The following HDAC8 variants were observed in gnomAD, a reference collection of about 807,000 sequenced individuals.
HDAC8 encodes histone deacetylase-like 1.
In HDAC8, 1 loss-of-function variant was observed where a neutral mutation model predicts 32.2. The observed-to-expected ratio is 0.03, with a 90% confidence interval of 0.01 to 0.15. HDAC8 has a LOEUF of 0.15. Among genes scored for constraint, HDAC8 ranks in the 10% least tolerant of loss-of-function variants. HDAC8 has a pLI of 1.00. For synonymous variants in HDAC8, 108 were observed against 113.9 expected, an observed-to-expected ratio of 0.95 and a Z score of 0.33; for missense variants, 117 against 300.0, an observed-to-expected ratio of 0.39 and a Z score of 4.51.
At chrX:72,451,770 A>G (rs1343934269) in intron 9 of HDAC8, among the ~76,000 whole-genome samples, 1 of 113,108 alleles carries the variant, frequency 8.8e-6, no homozygotes, top group Non-Finnish European at 1.9e-5. Context: ...TGGAAAATTA[A>G]CAAATTACAG....
chrX:72,568,993 G>T (rs1483049583), intron 2 of HDAC8, 109 bp from the exon 3 acceptor site: 2 of 784,450 alleles, frequency 2.5e-6, no homozygotes, highest in Non-Finnish European at 3.6e-6. Context: ...CTCAACTTCT[G>T]GTTCCAATAG....
chrX:72,561,780 A>C (rs2051570731), intron 4 of HDAC8, among the ~76,000 whole-genome samples: 1 of 112,555 alleles, frequency 8.9e-6, no homozygotes, highest in Non-Finnish European at 1.9e-5. Flanking sequence ...CAATCTATAC[A>C]TCTGACAGAG....
intron 9 of HDAC8, among the ~76,000 whole-genome samples, chrX:72,377,532 C>A (rs1555958557): frequency 9.0e-6 from 1 of 111,535 alleles, no homozygotes; most frequent in African/African-American, 3.3e-5. Context: ...TTTCTTATTT[C>A]TCTTTTTCAC....
chrX:72,352,896 C>T (rs782124693), intron 9 of HDAC8, among the ~76,000 whole-genome samples: 1 of 111,705 alleles, frequency 9.0e-6, no homozygotes, highest in East Asian at 2.8e-4. Context: ...TGCAAAGCTA[C>T]TATTTCTGTT....
chrX:72,490,660 G>A (rs1486992638), intron 6 of HDAC8, among the ~76,000 whole-genome samples: 8 of 103,915 alleles, frequency 7.7e-5, no homozygotes, highest in African/African-American at 2.8e-4. Flanking sequence ...GCTAAATGAC[G>A]AGTTAATGGG....
At chrX:72,517,971 G>A (rs782523014) in intron 4 of HDAC8, among the ~76,000 whole-genome samples, 13 of 111,618 alleles carry the variant, frequency 1.2e-4, no homozygotes, top group African/African-American at 3.9e-4. Context: ...AGGTCAATTC[G>A]GGAGTATTGC....
rs376906947 is a variant in HDAC8 at position 72,490,730 on chromosome X, G to A, written c.628+199C>T. Among the ~76,000 whole-genome samples, 9 of 108,748 alleles carry A rather than the reference G, an allele frequency of 8.3e-5. No individual in the cohort carries two copies. In the East Asian group the frequency reaches 2.3e-3, roughly 28 times the overall value. 94.4% of individuals were successfully genotyped at this position (108,748 alleles called of 115,157 possible). ...TAACTAACCTGCACATTGTGCACATGTACCCTAAAACTTAAAGTATAATAA... is the reference window on the plus strand; with the variant it reads ...TAACTAACCTGCACATTGTGCACATATACCCTAAAACTTAAAGTATAATAA... On this transcript the variant is annotated intron_variant, in intron 6 of 10. Transcript: ENST00000373573.
chrX:72,555,690 A>G (rs1234789071), intron 4 of HDAC8, among the ~76,000 whole-genome samples: 1 of 112,654 alleles, frequency 8.9e-6, no homozygotes, highest in Non-Finnish European at 1.9e-5. Flanking sequence ...AATTAACCCA[A>G]TCTGTCAAAC....
rs1469457954 is a variant in HDAC8, at chrX:72,561,462, G to GTA, written c.437+6426_437+6427insTA. Among the ~76,000 whole-genome samples the GTA allele has an allele frequency of 3.3e-4, 37 of 112,235 alleles. 1 individual carries two copies. Among genetic ancestry groups the GTA allele is most frequent in the African/African-American group, 1.1e-3 (33 of 30,946 alleles). The stretch of plus-strand genomic sequence containing the variant: ...GACACCCTATTCAACAAATGGTGCT[G>GTA]GGATAATTGGCAAGCCACATGTAGA... On this transcript the variant is annotated intron_variant, in intron 4 of 10. Coordinates refer to ENST00000373573, the MANE Select transcript of HDAC8 (RefSeq NM_018486.3).
chrX:72,379,009 C>G (rs1351068731), intron 9 of HDAC8, among the ~76,000 whole-genome samples: 1 of 110,443 alleles, frequency 9.1e-6, no homozygotes, highest in Middle Eastern at 4.6e-3. Context: ...AGGCACCCAC[C>G]ACCACGCCTG....
intron 4 of HDAC8, among the ~76,000 whole-genome samples, chrX:72,519,043 T>C (rs1418789786): frequency 1.8e-5 from 2 of 112,730 alleles, no homozygotes; most frequent in Non-Finnish European, 3.7e-5. Context: ...AACATTTGTG[T>C]ATACGTTTTC....
At chrX:72,392,666 T>G (rs2045643844) in intron 9 of HDAC8, among the ~76,000 whole-genome samples, 1 of 112,110 alleles carries the variant, frequency 8.9e-6, no homozygotes, top group African/African-American at 3.2e-5. Flanking sequence ...CTAAAAAAAT[T>G]CCAAACTTTG....
chrX:72,418,469 A>C (rs2046404191), intron 9 of HDAC8, among the ~76,000 whole-genome samples: 1 of 112,124 alleles, frequency 8.9e-6, no homozygotes, highest in Admixed American at 9.4e-5. Flanking sequence ...AATGCAAATC[A>C]AAACCACAGT....
At chrX:72,532,875 C>A (rs945562302) in intron 4 of HDAC8, among the ~76,000 whole-genome samples, 7 of 111,884 alleles carry the variant, frequency 6.3e-5, no homozygotes, top group African/African-American at 2.3e-4. Flanking sequence ...AAGTTTTTAA[C>A]TTTGATGAAA....
In HDAC8 at chrX:72,568,781, GATC is replaced by G. The variant is rs1556142167; in HGVS notation, c.265_267del (p.Asp89del). The stretch of plus-strand genomic sequence containing the variant: ...AGCCCATATTCTATGGAGTCCGGAT[GATC>G]ATCATCGCCCTCTTGGCTGACCTTC... On this transcript the variant is annotated inframe_deletion, in exon 3 of 11. Transcript: ENST00000373573. 1 of 1,210,375 alleles carries G rather than the reference GATC, an allele frequency of 8.3e-7. No homozygotes were observed. The highest frequency in any genetic ancestry group is 1.7e-5 in the African/African-American group (1 of 57,353).
chrX:72,330,141 G>T, intron 10 of HDAC8, 65 bp from the exon 11 acceptor site: 2 of 971,595 alleles, frequency 2.1e-6, no homozygotes, highest in Non-Finnish European at 2.9e-6. Context: ...CCCCAATAGA[G>T]CTATTTTTTA....
intron 4 of HDAC8, among the ~76,000 whole-genome samples, chrX:72,554,742 G>A (rs1036981748): frequency 9.0e-6 from 1 of 111,567 alleles, no homozygotes; most frequent in Non-Finnish European, 1.9e-5. Flanking sequence ...GAGACTCTGA[G>A]CTCAGACACA....
chrX:72,531,318 T>C (rs1189228070), intron 4 of HDAC8, among the ~76,000 whole-genome samples: 2 of 112,126 alleles, frequency 1.8e-5, no homozygotes, highest in Non-Finnish European at 3.8e-5. Flanking sequence ...GATCAGAATA[T>C]GTTTTCTGAA....
intron 4 of HDAC8, among the ~76,000 whole-genome samples, chrX:72,559,120 G>A (rs1323131671): frequency 1.5e-4 from 13 of 86,757 alleles, no homozygotes; most frequent in Non-Finnish European, 2.7e-4. Flanking sequence ...CTCTGATGCC[G>A]AGCCGAAGCT....
Sources: allele counts gnomAD v4.1 joint callset (sites outside exome capture counted in the v4.1 genomes callset), GRCh38; gene constraint gnomAD v4.1.1; transcripts MANE v1.5; gene names NCBI Gene and HGNC (gene_info 2026-07-23, HGNC 2026-07-21).